The following ADAMTS13 variants were observed in gnomAD, a reference collection of about 807,000 sequenced individuals.
The protein encoded by ADAMTS13 is A disintegrin and metalloproteinase with thrombospondin motifs 13.
A neutral mutation model predicts 155.1 loss-of-function variants in ADAMTS13; 110 were observed. The observed-to-expected ratio is 0.71, with a 90% confidence interval of 0.61 to 0.83. ADAMTS13 has a LOEUF of 0.83. Among genes scored for constraint, ADAMTS13 ranks in the 40% least tolerant of loss-of-function variants. The pLI, the probability that ADAMTS13 is intolerant of heterozygous loss-of-function variation, is 0.00. For synonymous variants in ADAMTS13, 758 were observed against 756.4 expected (o/e 1.00, Z -0.03); for missense variants, 1,707 against 1,891.7 (o/e 0.90, Z 1.81).
chr9:133,418,523 C>T (rs985185576), upstream of ADAMTS13, among the ~76,000 whole-genome samples: 1 of 152,206 alleles, frequency 6.6e-6, no homozygotes, highest in Non-Finnish European at 1.5e-5. Context: ...AAGGAAAGGG[C>T]TTTATTTAGT....
In ADAMTS13 at chr9:133,424,361, G is replaced by A. The variant is rs782220406; in HGVS notation, c.213G>A (p.Arg71=). The change falls in exon 3 of 29, where the codon AGG becomes AGA. Residue 71 remains arginine, a synonymous_variant. Transcript: ENST00000355699. The surrounding 1 kb of genome is among the most constrained non-coding windows in gnomAD (Gnocchi z 4.3). ...CTGGCTTCCAGAGGCAGAGGCAGAG[G>A]CAGAGGCGGGCTGCAGGCGGCATCC... ...PSPGFQRQRQ[R]QRRAAGGILH... 3 of 1,613,206 alleles carry A rather than the reference G, an allele frequency of 1.9e-6. No individual in the cohort carries two copies. The highest frequency in any genetic ancestry group is 2.2e-5 in the South Asian group (2 of 91,060).
chr9:133,414,545 A>AGAC (rs1554781043), exon 1 of ADAMTS13: 1 of 893,120 alleles, frequency 1.1e-6, no homozygotes, highest in South Asian at 1.3e-5. Context: ...ACAAAGGAAC[A>AGAC]GACGACATCA....
At chr9:133,437,953 G>A in intron 13 of ADAMTS13, 56 bp downstream of exon 13, 1 of 1,609,584 alleles carries the variant, frequency 6.2e-7, no homozygotes, top group Non-Finnish European at 8.5e-7. Context: ...CTATCGGAAG[G>A]CTCCTGGGGG....
chr9:133,426,096 A>C, intron 5 of ADAMTS13, 34 bp downstream of exon 5: 1 of 1,613,966 alleles, frequency 6.2e-7, no homozygotes, highest in South Asian at 1.1e-5. Flanking sequence ...CTGGCCAGCC[A>C]GCCTGGGAAG....
chr9:133,455,499 C>G, intron 25 of ADAMTS13, 64 bp downstream of exon 25: 1 of 1,612,208 alleles, frequency 6.2e-7, no homozygotes, highest in Non-Finnish European at 8.5e-7. Context: ...GCCACCCCTG[C>G]TGGTGCCTCC....
At position 133,436,825 on chromosome 9, in the gene ADAMTS13, C is replaced by G; in HGVS notation, c.1309-4C>G. 7.3e-7 allele frequency: 1 copy of G among 1,373,788 alleles called. No homozygotes were observed. The highest frequency in any genetic ancestry group is 9.7e-7 in the Non-Finnish European group (1 of 1,026,840). 85.1% of individuals were successfully genotyped at this position (1,373,788 alleles called of 1,614,324 possible). A position where few individuals can be genotyped will look rare whatever the true frequency, so the allele number is the denominator to read the frequency against. The stretch of plus-strand genomic sequence containing the variant: ...ATCCCCCTCCTCTGCCTCCTCCTGG[C>G]CAGGCCTGCGAGAAGACCCAGCTGG... On this transcript the variant is annotated splice_polypyrimidine_tract_variant and splice_region_variant and intron_variant, in intron 11 of 28. Coordinates refer to ENST00000355699, the MANE Select transcript of ADAMTS13 (RefSeq NM_139027.6).
Position 133,444,847 on chromosome 9 carries a change from C to T in ADAMTS13, c.2421-16C>T, listed in dbSNP as rs782612425. The T allele has an allele frequency of 1.4e-5, 23 of 1,612,156 alleles. No individual in the cohort carries two copies. Among genetic ancestry groups the T allele is most frequent in the South Asian group, 4.4e-5 (4 of 91,012 alleles). The stretch of plus-strand genomic sequence containing the variant: ...GGCAGAGGCAGGGCCTGATGACTGT[C>T]TCATGCCATCCTCAGGTGGGAGGTG... On this transcript the variant is annotated splice_polypyrimidine_tract_variant and intron_variant, in intron 19 of 28. Transcript: ENST00000355699.
At chr9:133,434,275 G>T (rs1044708944) in intron 11 of ADAMTS13, among the ~76,000 whole-genome samples, 1 of 152,004 alleles carries the variant, frequency 6.6e-6, no homozygotes, top group African/African-American at 2.4e-5. Flanking sequence ...AATACAGTGC[G>T]CTGCTGCATG....
chr9:133,415,387 C>G (rs1839520169), intron 1 of ADAMTS13, among the ~76,000 whole-genome samples: 1 of 151,738 alleles, frequency 6.6e-6, no homozygotes, highest in Non-Finnish European at 1.5e-5. Context: ...CAGCTTGGGC[C>G]AACATCCTGC....
At chr9:133,444,314 G>GTCGGCC (rs1373635142) in intron 19 of ADAMTS13, among the ~76,000 whole-genome samples, 4 of 151,920 alleles carry the variant, frequency 2.6e-5, no homozygotes, top group African/African-American at 7.3e-5. Flanking sequence ...CTGGCTGGAG[G>GTCGGCC]TCGGCCTCTG....
At chr9:133,429,638 G>T (rs956028777) in intron 7 of ADAMTS13, 2 of 495,744 alleles carry the variant, frequency 4.0e-6, no homozygotes, top group Non-Finnish European at 7.8e-6. Flanking sequence ...GTATCCCTGC[G>T]TCCCCTTCCC....
In ADAMTS13 at chr9:133,456,635, G is replaced by T; in HGVS notation, c.3640G>T (p.Val1214Leu). The T allele has an allele frequency of 6.2e-7, 1 of 1,611,360 alleles. No individual in the cohort carries two copies. Residue 1214 changes from valine (V) to leucine (L), a missense_variant, in exon 27 of 29, where the codon GTG becomes TTG. By Grantham distance (32) the Val-to-Leu change is conservative. Transcript: ENST00000355699. This position sits in a 1 kb window ranked among gnomAD's most constrained non-coding sequence, Gnocchi z 4.4. ...MTFSSKTNTL[V>L]VRQRCGRPGG... ...TTTCAGCTCCAAGACCAACACGCTG[G>T]TGGTGAGGCAGCGCTGCGGGCGGCC...
In ADAMTS13 at chr9:133,442,457, C is replaced by T. The variant is rs782709302; in HGVS notation, c.2027C>T (p.Thr676Ile). 3 of 1,613,912 alleles carry T rather than the reference C, an allele frequency of 1.9e-6. No homozygotes were observed. The highest frequency in any genetic ancestry group is 2.5e-6 in the Non-Finnish European group (3 of 1,180,044). The change falls in exon 17 of 29, where the codon ACC becomes ATC. Residue 676 changes from threonine to isoleucine, a missense_variant. This residue lies in a region of ADAMTS13 where 961 missense variants were observed against 1,107.9 expected (regional missense o/e 0.87). Transcript: ENST00000355699. ...GNLTRPDITF[T>I]YFQPKPRQAW... ...CTCACCCGCCCAGACATCACCTTCACCTACTTCCAGCCTAAGCCACGGCAG... is the reference window on the plus strand; with the variant it reads ...CTCACCCGCCCAGACATCACCTTCATCTACTTCCAGCCTAAGCCACGGCAG...
At chr9:133,438,049 A>AG in intron 13 of ADAMTS13, 152 bp downstream of exon 13, 1 of 1,514,716 alleles carries the variant, frequency 6.6e-7, no homozygotes, top group Non-Finnish European at 9.0e-7. Context: ...ACTTGGAGTC[A>AG]GCCTGGGTTA....
At chr9:133,416,568 T>C (rs1349567326) in intron 1 of ADAMTS13, among the ~76,000 whole-genome samples, 1 of 151,960 alleles carries the variant, frequency 6.6e-6, no homozygotes, top group Non-Finnish European at 1.5e-5. Context: ...TAACAGGAGG[T>C]AGCTCCAAGG....
At chr9:133,451,783 C>T (rs374732918) in intron 23 of ADAMTS13, among the ~76,000 whole-genome samples, 111 of 151,182 alleles carry the variant, frequency 7.3e-4, no homozygotes, top group African/African-American at 2.5e-3. Context: ...CCCAGCTACT[C>T]GGGAGGCTGA....
intron 23 of ADAMTS13, among the ~76,000 whole-genome samples, chr9:133,451,613 G>A (rs1342898996): frequency 6.6e-6 from 1 of 152,144 alleles, no homozygotes; most frequent in Non-Finnish European, 1.5e-5. Context: ...TTAAATTTAG[G>A]CTGGTCATGG....
At chr9:133,430,151 C>T (rs1420408407) in intron 8 of ADAMTS13, 50 bp downstream of exon 8, 1 of 1,543,056 alleles carries the variant, frequency 6.5e-7, no homozygotes, top group African/African-American at 1.4e-5. Flanking sequence ...CCCTCCGCAT[C>T]ACCCAGCTCA....
At chr9:133,428,270 A>C (rs1840417059) in intron 6 of ADAMTS13, among the ~76,000 whole-genome samples, 1 of 152,234 alleles carries the variant, frequency 6.6e-6, no homozygotes, top group African/African-American at 2.4e-5. Flanking sequence ...CATCCATGTA[A>C]ACAGTCCCCA....
Sources: gnomAD v4.1 joint callset for allele counts (sites outside exome capture counted in the v4.1 genomes callset) on GRCh38, gnomAD v4.1.1 for gene constraint, gnomAD v4.1.1 regional missense constraint, Gnocchi (gnomAD v3.1) non-coding constraint, MANE v1.5 for transcripts, NCBI Gene and HGNC (gene_info 2026-07-23, HGNC 2026-07-21) for gene names.